Variants in PTPRN2 observed in about 807,000 individuals in gnomAD.
PTPRN2 encodes the protein protein tyrosine phosphatase receptor type N2, also known as receptor-type tyrosine-protein phosphatase N2.
A neutral mutation model predicts 118.8 loss-of-function variants in PTPRN2; 74 were observed. That is an observed-to-expected ratio of 0.62 (90% CI 0.52 to 0.76). PTPRN2 has a LOEUF of 0.76. Ranked by LOEUF, PTPRN2 falls within the 30% of genes least tolerant of loss-of-function variation. The probability of loss-of-function intolerance (pLI) is 0.00; values close to 1 mark genes in which losing one functional copy is unlikely to be tolerated. For missense variants in PTPRN2, 1,481 were observed against 1,394.4 expected (o/e 1.06, Z -0.99); for synonymous variants, 641 against 608.0 (o/e 1.05, Z -0.80).
intron 11 of PTPRN2, among the ~76,000 whole-genome samples, chr7:157,940,762 TCCCCACCATGACACTGCAA>T: frequency 1.9e-5 from 1 of 51,472 alleles, no homozygotes; most frequent in African/African-American, 1.5e-4. Flanking sequence ...TCTGACACCC[TCCCCACCATGACACTGCAA>T]ATCAAACACC....
At chr7:158,125,119 C>T (rs1342945752) in intron 9 of PTPRN2, among the ~76,000 whole-genome samples, 1 of 152,170 alleles carries the variant, frequency 6.6e-6, no homozygotes, top group African/African-American at 2.4e-5. Context: ...CGAGACATGG[C>T]TCAGGCCCAA....
Position 157,716,559 on chromosome 7 carries a change from A to G in PTPRN2, c.1789-33622T>C, listed in dbSNP as rs202065081. Among the ~76,000 whole-genome samples, 36 of 58,986 alleles carry G rather than the reference A, an allele frequency of 6.1e-4. 3 individuals are homozygous for G. Among genetic ancestry groups the G allele is most frequent in the African/African-American group, 1.9e-3 (18 of 9,292 alleles). The allele number at this position is 58,986 out of a possible 152,430, so 38.7% of individuals were successfully genotyped here. A position where few individuals can be genotyped will look rare whatever the true frequency, so the allele number is the denominator to read the frequency against. ...CACTGCCTGGCCACGTAGACTCTGC[A>G]GGAACACTGCCTGGCCACGTAGACT... On this transcript the variant is annotated intron_variant, in intron 12 of 22. Transcript: ENST00000389418.
intron 3 of PTPRN2, among the ~76,000 whole-genome samples, chr7:158,299,734 T>C (rs1586169551): frequency 6.6e-6 from 1 of 152,318 alleles, no homozygotes; most frequent in South Asian, 2.1e-4. Flanking sequence ...CTGGCTGCAT[T>C]CATCCTTCAC....
In PTPRN2 at chr7:157,682,575, T is replaced by C. The variant is rs535658070; in HGVS notation, c.2001+150A>G. On this transcript the variant is annotated intron_variant, in intron 13 of 22. Transcript: ENST00000389418. Reference sequence around the variant, plus strand: ...TGCAACGTATTTGCACGAATGCTGATGAGAAGTTCCAAACTGTCCTCATAA... The same window carrying C: ...TGCAACGTATTTGCACGAATGCTGACGAGAAGTTCCAAACTGTCCTCATAA... 1.2e-4 allele frequency: 89 copies of C among 773,146 alleles called. No homozygotes were observed. The South Asian group carries it at 1.4e-3, about 12-fold the overall frequency. The allele number at this position is 773,146 out of a possible 1,614,324, so 47.9% of individuals were successfully genotyped here.
In PTPRN2 at chr7:158,529,417, C is replaced by T. The variant is rs569096175; in HGVS notation, c.113-39632G>A. ...CAGGGGAGGCCAGCAGGAGGACGGA[C>T]TCACCAGGACACCCCCAAGGACAGG... On this transcript the variant is annotated intron_variant, in intron 1 of 22. Transcript: ENST00000389418. This position sits in a 1 kb window ranked among gnomAD's most constrained non-coding sequence, Gnocchi z 4.7. Among the ~76,000 whole-genome samples, 20 of 152,350 alleles carry T rather than the reference C, an allele frequency of 1.3e-4. No individual in the cohort carries two copies. The South Asian group carries it at 4.1e-3, about 32-fold the overall frequency.
intron 10 of PTPRN2, among the ~76,000 whole-genome samples, chr7:158,102,376 T>A (rs1037721600): frequency 2.0e-5 from 3 of 152,138 alleles, no homozygotes; most frequent in Non-Finnish European, 4.4e-5. Flanking sequence ...TGCCCAATTA[T>A]CTCAGTTATG....
chr7:158,431,720 CT>C (rs1816207202), intron 2 of PTPRN2, among the ~76,000 whole-genome samples: 1 of 148,658 alleles, frequency 6.7e-6, no homozygotes, highest in African/African-American at 2.5e-5. Flanking sequence ...CACATACTGG[CT>C]CACACTGGCT....
chr7:158,435,633 T>C (rs554002596), intron 2 of PTPRN2, among the ~76,000 whole-genome samples: 41 of 152,330 alleles, frequency 2.7e-4, no homozygotes, highest in African/African-American at 9.6e-4. Context: ...CCACACTAAC[T>C]GTGGCATTAT....
intron 11 of PTPRN2, among the ~76,000 whole-genome samples, chr7:157,957,480 C>A (rs1467925999): frequency 2.0e-5 from 3 of 152,000 alleles, no homozygotes; most frequent in Admixed American, 6.6e-5. Flanking sequence ...ATGGTACACA[C>A]AACAGATACA....
intron 12 of PTPRN2, among the ~76,000 whole-genome samples, chr7:157,696,890 C>T (rs574901612): frequency 2.6e-5 from 3 of 113,666 alleles, no homozygotes; most frequent in Admixed American, 9.1e-5. Context: ...GAGCCCTCAC[C>T]GTCTACCCAT....
intron 14 of PTPRN2, among the ~76,000 whole-genome samples, chr7:157,635,619 C>T (rs1804263870): frequency 6.6e-6 from 1 of 152,246 alleles, no homozygotes; most frequent in Admixed American, 6.5e-5. Context: ...ATTTTATTGT[C>T]TTCGCCTCAG....
chr7:158,458,800 C>G (rs1001887497), intron 2 of PTPRN2, among the ~76,000 whole-genome samples: 1 of 152,214 alleles, frequency 6.6e-6, no homozygotes, highest in Non-Finnish European at 1.5e-5. Flanking sequence ...CCTCATTTCC[C>G]CTTCTAGTCC....
intron 6 of PTPRN2, among the ~76,000 whole-genome samples, chr7:158,151,919 A>T (rs1308792572): frequency 1.3e-5 from 2 of 152,044 alleles, no homozygotes; most frequent in Admixed American, 1.3e-4. Context: ...CACGCCTGTA[A>T]TCCCAGCACT....
chr7:158,011,257 A>G (rs1420090248), intron 11 of PTPRN2, among the ~76,000 whole-genome samples: 1 of 152,216 alleles, frequency 6.6e-6, no homozygotes, highest in African/African-American at 2.4e-5. Flanking sequence ...CACAACATAG[A>G]AAGAAGGGGA....
intron 12 of PTPRN2, among the ~76,000 whole-genome samples, chr7:157,792,709 G>A (rs1264416871): frequency 6.6e-6 from 1 of 152,172 alleles, no homozygotes; most frequent in Non-Finnish European, 1.5e-5. Flanking sequence ...GGCTGGGGCC[G>A]GGGGTCTCTG....
chr7:158,238,130 C>T (rs1303009116), intron 3 of PTPRN2, among the ~76,000 whole-genome samples: 1 of 152,244 alleles, frequency 6.6e-6, no homozygotes, highest in East Asian at 1.9e-4. Flanking sequence ...GGCTAAGTCG[C>T]TAAGTCACGC....
intron 10 of PTPRN2, among the ~76,000 whole-genome samples, chr7:158,098,231 C>T (rs568224983): frequency 3.3e-5 from 5 of 152,212 alleles, no homozygotes; most frequent in South Asian, 2.1e-4. Context: ...AAGCGCTGGA[C>T]GCAGCAAGAA....
intron 6 of PTPRN2, among the ~76,000 whole-genome samples, chr7:158,151,083 GCCTGCC>G (rs1821008466): frequency 1.3e-4 from 3 of 22,398 alleles, no homozygotes; most frequent in Admixed American, 8.1e-4. Context: ...TCTTGCCCCT[GCCTGCC>G]CAAACCGCCC....
chr7:158,070,891 TGCCCA>T (rs1195979903), intron 11 of PTPRN2, among the ~76,000 whole-genome samples: 7 of 119,856 alleles, frequency 5.8e-5, no homozygotes, highest in African/African-American at 2.1e-4. Flanking sequence ...GTGGTGGAGG[TGCCCA>T]TGGTAGTGGA....
Sources: gnomAD v4.1 joint callset for allele counts (sites outside exome capture counted in the v4.1 genomes callset) on GRCh38, gnomAD v4.1.1 for gene constraint, Gnocchi (gnomAD v3.1) non-coding constraint, MANE v1.5 for transcripts, NCBI Gene and HGNC (gene_info 2026-07-23, HGNC 2026-07-21) for gene names.